Variants in TRERF1 observed in about 807,000 individuals in gnomAD.
TRERF1 encodes transcriptional regulating factor 1.
A neutral mutation model predicts 122.9 loss-of-function variants in TRERF1; 27 were observed. The ratio of observed to expected loss-of-function variants is 0.22; its 90% CI spans 0.16 to 0.30. TRERF1 has a LOEUF of 0.30. TRERF1 is among the 10% of genes least tolerant of loss of function. The probability of loss-of-function intolerance (pLI) is 1.00; values close to 1 mark genes in which losing one functional copy is unlikely to be tolerated. For synonymous variants in TRERF1, 636 were observed against 641.7 expected, an observed-to-expected ratio of 0.99 and a Z score of 0.13; for missense variants, 1,248 against 1,560.3, an observed-to-expected ratio of 0.80 and a Z score of 3.37.
At chr6:42,419,849 G>A (rs774147713) in intron 2 of TRERF1, among the ~76,000 whole-genome samples, 6 of 152,112 alleles carry the variant, frequency 3.9e-5, no homozygotes, top group Non-Finnish European at 7.3e-5. Context: ...GAATTAACCT[G>A]TCCTCCAATG....
At chr6:42,429,087 A>G (rs1280534374) in intron 2 of TRERF1, among the ~76,000 whole-genome samples, 2 of 152,204 alleles carry the variant, frequency 1.3e-5, no homozygotes, top group Non-Finnish European at 1.5e-5. Flanking sequence ...GAACAAATGA[A>G]TGAAAGCCAC....
intron 3 of TRERF1, among the ~76,000 whole-genome samples, chr6:42,355,079 T>C (rs1770241896): frequency 6.6e-6 from 1 of 152,220 alleles, no homozygotes; most frequent in African/African-American, 2.4e-5. Flanking sequence ...GTCATTTTTC[T>C]TTATAATATT....
chr6:42,415,186 AC>A (rs1478163287), intron 2 of TRERF1, among the ~76,000 whole-genome samples: 5 of 152,174 alleles, frequency 3.3e-5, no homozygotes, highest in Non-Finnish European at 1.5e-5. Context: ...AGAACCACTT[AC>A]ACTTCTTTTC....
chr6:42,269,509 C>T lies in TRERF1; in HGVS notation c.82G>A (p.Val28Ile), dbSNP rs762330514. 15 of 1,614,072 alleles carry T rather than the reference C, an allele frequency of 9.3e-6. No individual in the cohort carries two copies. Among genetic ancestry groups the T allele is most frequent in the East Asian group, 8.9e-5 (4 of 44,902 alleles). ...TAGTTGTGGTTCAGCCCGCTGTGGA[C>T]GCCAAGTGGTGGCTGTTGGTAGAAA... Residue 28 changes from valine (V) to isoleucine (I), a missense_variant, in exon 5 of 18, where the codon GTC (valine) becomes ATC (isoleucine). Transcript: ENST00000372922. This position sits in a 1 kb window ranked among gnomAD's most constrained non-coding sequence, Gnocchi z 4.9.
intron 2 of TRERF1, among the ~76,000 whole-genome samples, chr6:42,449,423 C>T (rs1788078048): frequency 1.3e-5 from 2 of 151,350 alleles, no homozygotes; most frequent in Admixed American, 6.6e-5. Context: ...GATTCATGGG[C>T]CTTCAAGCCT....
intron 3 of TRERF1, among the ~76,000 whole-genome samples, chr6:42,316,715 C>G (rs555093709): frequency 6.6e-6 from 1 of 152,090 alleles, no homozygotes; most frequent in African/African-American, 2.4e-5. Flanking sequence ...TGCTCAGGGA[C>G]CAAAATCGCC....
chr6:42,362,692 A>C (rs1249853384), intron 3 of TRERF1, among the ~76,000 whole-genome samples: 1 of 152,162 alleles, frequency 6.6e-6, no homozygotes, highest in Non-Finnish European at 1.5e-5. Flanking sequence ...AGACATTTTT[A>C]AATCCTTCTA....
Position 42,416,177 on chromosome 6 carries a change from C to A in TRERF1, c.-454+35000G>T, listed in dbSNP as rs542860907. Among the ~76,000 whole-genome samples, 5 of 152,090 alleles carry A rather than the reference C, an allele frequency of 3.3e-5. No homozygotes were observed. In the East Asian group the frequency reaches 7.7e-4, roughly 24 times the overall value. On this transcript the variant is annotated intron_variant, in intron 2 of 17. Transcript: ENST00000372922. Reference sequence around the variant, plus strand: ...ATGCACCAAACTACCTTACTGAATTCTCTTGTTTGTCTTTTAGTTTTGCCT... The same window carrying A: ...ATGCACCAAACTACCTTACTGAATTATCTTGTTTGTCTTTTAGTTTTGCCT...
At chr6:42,296,844 T>G (rs913001719) in intron 4 of TRERF1, among the ~76,000 whole-genome samples, 1 of 152,122 alleles carries the variant, frequency 6.6e-6, no homozygotes, top group Non-Finnish European at 1.5e-5. Flanking sequence ...CAGGAGACTT[T>G]TTGCAGAATG....
chr6:42,265,632 A>C, intron 6 of TRERF1, 119 bp downstream of exon 6: 1 of 1,097,010 alleles, frequency 9.1e-7, no homozygotes, highest in South Asian at 1.4e-5. Context: ...AACAGCTGCT[A>C]TTATTATTTC....
intron 2 of TRERF1, among the ~76,000 whole-genome samples, chr6:42,424,368 A>G (rs1783289072): frequency 6.6e-6 from 1 of 152,230 alleles, no homozygotes; most frequent in South Asian, 2.1e-4. Context: ...TTGAATGCCA[A>G]CATGACAACA....
In TRERF1 at chr6:42,228,272, G is replaced by A. The variant is rs74630214; in HGVS notation, c.*73C>T. The A allele has an allele frequency of 1.6e-3, 2,110 of 1,340,550 alleles. 28 individuals carry two copies. The African/African-American group carries it at 0.027, about 17-fold the overall frequency. The allele number at this position is 1,340,550 out of a possible 1,614,324, so 83.0% of individuals were successfully genotyped here. On this transcript the variant is annotated 3_prime_UTR_variant, in exon 18 of 18. Coordinates refer to ENST00000372922, the Ensembl canonical transcript of TRERF1. This position sits in a 1 kb window ranked among gnomAD's most constrained non-coding sequence, Gnocchi z 4.2. Reference sequence around the variant, plus strand: ...GTTTAAAAGGGTTACAAAACAAGCAGGCAGTCCAGGTTTCCTGATTAATGA... The same window carrying A: ...GTTTAAAAGGGTTACAAAACAAGCAAGCAGTCCAGGTTTCCTGATTAATGA...
chr6:42,399,544 C>G (rs906732982), intron 2 of TRERF1, among the ~76,000 whole-genome samples: 1 of 152,174 alleles, frequency 6.6e-6, no homozygotes, highest in African/African-American at 2.4e-5. Flanking sequence ...CTTGGAGCGG[C>G]TGCAGCGCTG....
chr6:42,380,694 A>G (rs1775765124), intron 2 of TRERF1, among the ~76,000 whole-genome samples: 1 of 152,172 alleles, frequency 6.6e-6, no homozygotes, highest in South Asian at 2.1e-4. Context: ...TCACTCCCCA[A>G]AGGGCATGGC....
At chr6:42,446,828 C>A (rs1182085081) in intron 2 of TRERF1, among the ~76,000 whole-genome samples, 1 of 152,120 alleles carries the variant, frequency 6.6e-6, no homozygotes, top group Non-Finnish European at 1.5e-5. Flanking sequence ...CATGGTGAAA[C>A]CCTGTCTCTA....
intron 3 of TRERF1, among the ~76,000 whole-genome samples, chr6:42,318,609 T>TA (rs1356286362): frequency 1.3e-5 from 2 of 152,210 alleles, no homozygotes; most frequent in Non-Finnish European, 2.9e-5. Context: ...CCAGAATGGA[T>TA]ACTCAGGGGC....
At chr6:42,320,058 T>C (rs1430656822) in intron 3 of TRERF1, among the ~76,000 whole-genome samples, 1 of 151,884 alleles carries the variant, frequency 6.6e-6, no homozygotes, top group Non-Finnish European at 1.5e-5. Context: ...CCCATCACTA[T>C]GCCCAGCTAA....
At chr6:42,375,390 T>C (rs1340176633) in intron 2 of TRERF1, among the ~76,000 whole-genome samples, 1 of 152,224 alleles carries the variant, frequency 6.6e-6, no homozygotes, top group Non-Finnish European at 1.5e-5. Flanking sequence ...CAGAGGAGCC[T>C]CTTCTTTATC....
At chr6:42,262,158 C>T (rs753243819) in intron 8 of TRERF1, among the ~76,000 whole-genome samples, 1 of 152,114 alleles carries the variant, frequency 6.6e-6, no homozygotes, top group Non-Finnish European at 1.5e-5. Context: ...GTTGCTGACC[C>T]CCAAGTCCTG....
Sources: allele counts gnomAD v4.1 joint callset (sites outside exome capture counted in the v4.1 genomes callset), GRCh38; gene constraint gnomAD v4.1.1; non-coding constraint Gnocchi (gnomAD v3.1); transcripts MANE v1.5; gene names NCBI Gene and HGNC (gene_info 2026-07-23, HGNC 2026-07-21).